SKAP1: variants seen among roughly 807,000 people sequenced by gnomAD.
SKAP1 encodes the protein src kinase-associated phosphoprotein 1.
In SKAP1, 44 loss-of-function variants were observed where a neutral mutation model predicts 58.5. The observed-to-expected ratio is 0.75, with a 90% CI of 0.59 to 0.97. The LOEUF is 0.97. Among genes scored for constraint, SKAP1 ranks in the 50% least tolerant of loss-of-function variants. The probability of loss-of-function intolerance (pLI) is 0.00; values close to 1 mark genes in which losing one functional copy is unlikely to be tolerated. For missense variants in SKAP1, 390 were observed against 435.2 expected, an observed-to-expected ratio of 0.90 and a Z score of 0.92; for synonymous variants, 127 against 149.7, an observed-to-expected ratio of 0.85 and a Z score of 1.11.
At chr17:48,256,179 G>A (rs940013819) in intron 4 of SKAP1, among the ~76,000 whole-genome samples, 1 of 151,806 alleles carries the variant, frequency 6.6e-6, no homozygotes, top group African/African-American at 2.4e-5. Flanking sequence ...ACCAAAATGT[G>A]TGTGTGTGTG....
intron 4 of SKAP1, among the ~76,000 whole-genome samples, chr17:48,245,439 T>G (rs2065285623): frequency 6.6e-6 from 1 of 152,212 alleles, no homozygotes; most frequent in South Asian, 2.1e-4. Context: ...AAAAGTGCCT[T>G]TATTATGCTT....
chr17:48,152,110 A>G (rs1343057804), intron 11 of SKAP1, among the ~76,000 whole-genome samples: 1 of 152,182 alleles, frequency 6.6e-6, no homozygotes, highest in Non-Finnish European at 1.5e-5. Context: ...AACCATTTCT[A>G]TTATTTCTAA....
At chr17:48,184,526 T>C (rs2064418036) in intron 7 of SKAP1, among the ~76,000 whole-genome samples, 197 bp downstream of exon 7, 1 of 152,122 alleles carries the variant, frequency 6.6e-6, no homozygotes, top group East Asian at 1.9e-4. Context: ...AGTCTGTATC[T>C]AAGATGAGAG....
chr17:48,197,274 A>AT (rs1357040722), intron 4 of SKAP1, among the ~76,000 whole-genome samples: 1 of 151,808 alleles, frequency 6.6e-6, no homozygotes, highest in African/African-American at 2.4e-5. Flanking sequence ...AAAAAAAAAA[A>AT]AAATGCTGAT....
intron 3 of SKAP1, among the ~76,000 whole-genome samples, chr17:48,348,349 A>AT (rs916518476): frequency 1.3e-5 from 2 of 151,628 alleles, no homozygotes; most frequent in Non-Finnish European, 2.9e-5. Context: ...TCAAAAAAAA[A>AT]AAAAAAGAAA....
intron 4 of SKAP1, among the ~76,000 whole-genome samples, chr17:48,228,907 G>A (rs927435833): frequency 7.2e-5 from 11 of 152,156 alleles, no homozygotes; most frequent in African/African-American, 2.7e-4. Context: ...GTGGTTTGCT[G>A]GCACAGGGCC....
intron 2 of SKAP1, among the ~76,000 whole-genome samples, chr17:48,395,016 T>C (rs1245723375): frequency 6.6e-6 from 1 of 152,214 alleles, no homozygotes; most frequent in Admixed American, 6.5e-5. Flanking sequence ...AATGCAGATA[T>C]TTCCTAAAGT....
intron 12 of SKAP1, among the ~76,000 whole-genome samples, chr17:48,136,162 A>G (rs577081783): frequency 6.7e-6 from 1 of 149,780 alleles, no homozygotes; most frequent in Non-Finnish European, 1.5e-5. Context: ...GGAAGAGGGT[A>G]TGCTTTTCTC....
At chr17:48,363,466 T>C (rs1201019652) in intron 3 of SKAP1, among the ~76,000 whole-genome samples, 1 of 152,226 alleles carries the variant, frequency 6.6e-6, no homozygotes, top group Non-Finnish European at 1.5e-5. Flanking sequence ...GTTTTTATTA[T>C]GGACTTGGCT....
intron 12 of SKAP1, among the ~76,000 whole-genome samples, chr17:48,134,572 TC>T (rs2063675670): frequency 6.6e-6 from 1 of 151,940 alleles, no homozygotes; most frequent in African/African-American, 2.4e-5. Flanking sequence ...CCCCTTGGCC[TC>T]CCAAAGTGCT....
intron 4 of SKAP1, among the ~76,000 whole-genome samples, chr17:48,244,859 A>G (rs766642404): frequency 2.7e-4 from 41 of 152,238 alleles, no homozygotes; most frequent in Non-Finnish European, 5.3e-4. Context: ...ATGGGCTTTC[A>G]TTCTTTCTTC....
rs2066076262 is a variant in SKAP1 at position 48,302,655 on chromosome 17, AC to A, written c.280+43249del. ...CAATACTAGCTTACTATAGTTGTTT[AC>A]TTGTAGCATTCCTTTAGAATGGGCC... On this transcript the variant is annotated intron_variant, in intron 4 of 12. Coordinates refer to ENST00000336915, the MANE Select transcript of SKAP1 (RefSeq NM_003726.4). Among the ~76,000 whole-genome samples, 5 of 152,216 alleles carry A rather than the reference AC, an allele frequency of 3.3e-5. No individual in the cohort carries two copies. In the South Asian group the frequency reaches 1.0e-3, roughly 32 times the overall value.
intron 4 of SKAP1, among the ~76,000 whole-genome samples, chr17:48,204,939 T>TCCTC (rs1029722825): frequency 3.3e-4 from 49 of 148,094 alleles, no homozygotes; most frequent in African/African-American, 1.1e-3. Flanking sequence ...CTTCCTTCCT[T>TCCTC]CCTCCCTCCC....
At chr17:48,171,194 C>T (rs564895571) in intron 9 of SKAP1, among the ~76,000 whole-genome samples, 14 of 142,898 alleles carry the variant, frequency 9.8e-5, no homozygotes, top group Admixed American at 3.9e-4. Context: ...CTCCACCTTC[C>T]GGGTTCAAGC....
At chr17:48,143,157 C>T (rs1036588720) in intron 11 of SKAP1, among the ~76,000 whole-genome samples, 16 of 146,830 alleles carry the variant, frequency 1.1e-4, no homozygotes, top group Non-Finnish European at 7.5e-5. Flanking sequence ...CAGTTCGCAA[C>T]GTCTTATGGG....
chr17:48,231,907 G>GT (rs1262183158), intron 4 of SKAP1: 1 of 152,028 alleles, frequency 6.6e-6, no homozygotes, highest in African/African-American at 2.4e-5. Flanking sequence ...AAATACCTAT[G>GT]TAAAAAAAAC....
the SKAP1 span, among the ~76,000 whole-genome samples, chr17:48,440,885 T>C: frequency 6.6e-6 from 1 of 152,168 alleles, no homozygotes; most frequent in Non-Finnish European, 1.5e-5. Flanking sequence ...TGCACTAAAC[T>C]GACAGGAAAC....
At chr17:48,145,431 C>T (rs1277230997) in intron 11 of SKAP1, among the ~76,000 whole-genome samples, 3 of 130,766 alleles carry the variant, frequency 2.3e-5, no homozygotes, top group Non-Finnish European at 3.4e-5. Context: ...AAAAAAAAAA[C>T]CCTACCAAAC....
At chr17:48,426,396 C>T (rs960885007) in intron 1 of SKAP1, among the ~76,000 whole-genome samples, 1 of 152,126 alleles carries the variant, frequency 6.6e-6, no homozygotes, top group Admixed American at 6.5e-5. Context: ...GTCAGTAGGC[C>T]CCATTCCATC....
Sources: allele counts gnomAD v4.1 joint callset (sites outside exome capture counted in the v4.1 genomes callset), GRCh38; gene constraint gnomAD v4.1.1; transcripts MANE v1.5; gene names NCBI Gene and HGNC (gene_info 2026-07-23, HGNC 2026-07-21).